ALG13: variants seen among roughly 807,000 people sequenced by gnomAD.
ALG13 encodes the protein UDP-N-acetylglucosamine transferase subunit ALG13.
Under a neutral mutation model 87.8 loss-of-function variants are expected in ALG13, and 11 were observed. The observed-to-expected ratio is 0.13, with a 90% CI of 0.08 to 0.21. ALG13 has a LOEUF of 0.21. ALG13 is among the 10% of genes least tolerant of loss of function. ALG13 has a pLI of 1.00. For synonymous variants in ALG13, 320 were observed against 306.3 expected (o/e 1.04, Z -0.47); for missense variants, 756 against 866.1 (o/e 0.87, Z 1.60).
At chrX:111,753,027 T>C in intron 25 of ALG13, 197 bp downstream of exon 25, 1 of 364,902 alleles carries the variant, frequency 2.7e-6, no homozygotes, top group South Asian at 6.0e-5. Context: ...TCTTATAAAA[T>C]AGTCGTTAAA....
Position 111,726,948 on chromosome X carries a change from C to T in ALG13, c.1869C>T (p.His623=), listed in dbSNP as rs747208594. Residue 623 remains histidine (H), a synonymous_variant, in exon 16 of 27, where the codon CAC becomes CAT. Coordinates refer to ENST00000394780, the MANE Select transcript of ALG13 (RefSeq NM_001099922.3). ...TGCAGCACAGTATGCATTATGGGCACGATCCTCCAATGCACTACTCACAGA... is the reference window on the plus strand; with the variant it reads ...TGCAGCACAGTATGCATTATGGGCATGATCCTCCAATGCACTACTCACAGA... ...PRLQHSMHYG[H]DPPMHYSQTA... 9.1e-6 allele frequency: 11 copies of T among 1,211,463 alleles called. No homozygotes were observed. The highest frequency in any genetic ancestry group is 3.5e-5 in the South Asian group (2 of 56,953).
At chrX:111,684,203 A>G (rs1025643929) in intron 2 of ALG13, among the ~76,000 whole-genome samples, 18 of 112,318 alleles carry the variant, frequency 1.6e-4, no homozygotes, top group African/African-American at 5.5e-4. Flanking sequence ...ATTTTGCCCA[A>G]CCACAGGCTA....
At chrX:111,689,336 T>G in intron 3 of ALG13, 1 of 754,005 alleles carries the variant, frequency 1.3e-6, no homozygotes, top group Non-Finnish European at 1.6e-6. Flanking sequence ...TTTTCTCATT[T>G]GAGAAAATTG....
At chrX:111,692,235 T>C (rs1936269835) in intron 3 of ALG13, among the ~76,000 whole-genome samples, 1 of 112,177 alleles carries the variant, frequency 8.9e-6, no homozygotes, top group Non-Finnish European at 1.9e-5. Flanking sequence ...CACTCACAGC[T>C]TTATTTCCTA....
At chrX:111,689,872 A>G (rs1935827953) in intron 3 of ALG13, 6 of 751,464 alleles carry the variant, frequency 8.0e-6, no homozygotes, top group African/African-American at 4.7e-5. Flanking sequence ...TTGTTTGTTT[A>G]TTTATGGAAG....
At chrX:111,704,627 T>C (rs1419179554) in intron 3 of ALG13, among the ~76,000 whole-genome samples, 1 of 111,576 alleles carries the variant, frequency 9.0e-6, no homozygotes, top group Non-Finnish European at 1.9e-5. Context: ...ATGTTCAGAA[T>C]ATGGAAATCT....
At chrX:111,723,955 G>A (rs1018572316) in intron 14 of ALG13, 57 bp downstream of exon 14, 9 of 776,383 alleles carry the variant, frequency 1.2e-5, no homozygotes, top group East Asian at 7.2e-5. Flanking sequence ...GTTCCATTTC[G>A]TAATATTAAA....
chrX:111,725,423 T>G, intron 15 of ALG13, among the ~76,000 whole-genome samples: 1 of 110,916 alleles, frequency 9.0e-6, no homozygotes, highest in East Asian at 2.8e-4. Flanking sequence ...AAAAAAATGA[T>G]CTTGTGGAGA....
intron 23 of ALG13, among the ~76,000 whole-genome samples, chrX:111,738,568 T>C (rs1943452134): frequency 1.8e-5 from 2 of 111,650 alleles, no homozygotes; most frequent in Non-Finnish European, 3.8e-5. Context: ...AGACGGGGTA[T>C]TGCTCTGTCA....
chrX:111,726,753 T>G, intron 15 of ALG13, 56 bp from the exon 16 acceptor site: 1 of 1,190,964 alleles, frequency 8.4e-7, no homozygotes, highest in South Asian at 1.8e-5. Flanking sequence ...GACAGTACAC[T>G]GGGCCTTTTG....
At chrX:111,696,982 CT>C (rs55888261) in intron 3 of ALG13, among the ~76,000 whole-genome samples, 7,443 of 73,954 alleles carry the variant, frequency 0.1, 434 homozygotes, top group African/African-American at 0.25. Context: ...TGGTTCTTAC[CT>C]TTTTTTTTTT....
At chrX:111,757,794 G>C in intron 26 of ALG13, 32 bp downstream of exon 26, 2 of 1,175,597 alleles carry the variant, frequency 1.7e-6, no homozygotes, top group Non-Finnish European at 2.3e-6. Context: ...CAGCAAGAAA[G>C]ACAGTTGGAT....
intron 3 of ALG13, among the ~76,000 whole-genome samples, chrX:111,703,552 C>T (rs1938261909): frequency 8.9e-6 from 1 of 111,857 alleles, no homozygotes; most frequent in Non-Finnish European, 1.9e-5. Context: ...TAACTACTGG[C>T]AAAAACTAAT....
At chrX:111,724,602 C>T (rs1275380744) in intron 14 of ALG13, among the ~76,000 whole-genome samples, 1 of 112,010 alleles carries the variant, frequency 8.9e-6, no homozygotes, top group East Asian at 2.8e-4. Flanking sequence ...CTTAAAATGT[C>T]TCATACTTTA....
chrX:111,690,435 A>G, intron 3 of ALG13: 1 of 733,755 alleles, frequency 1.4e-6, no homozygotes, highest in South Asian at 7.0e-5. Context: ...GACCTTGGGA[A>G]TTAAGGATTT....
chrX:111,681,239 C>T lies in ALG13; in HGVS notation c.21C>T (p.Thr7=), dbSNP rs1446370125. Residue 7 remains threonine (T), a synonymous_variant, in exon 1 of 27, where the codon ACC becomes ACT. Coordinates refer to ENST00000394780, the MANE Select transcript of ALG13 (RefSeq NM_001099922.3). The part of the protein sequence containing the change: MKCVFV[T]VGTTSFDDLI... ...GCGCCATGAAGTGCGTGTTTGTTAC[C>T]GTAGGGACCACCAGCTTTGACGACC... 1.7e-6 allele frequency: 2 copies of T among 1,210,934 alleles called. No homozygotes were observed. Among genetic ancestry groups the T allele is most frequent in the Admixed American group, 2.2e-5 (1 of 45,993 alleles).
chrX:111,757,959 A>G (rs1422248078), intron 26 of ALG13, among the ~76,000 whole-genome samples, 197 bp downstream of exon 26: 6 of 111,310 alleles, frequency 5.4e-5, no homozygotes, highest in Admixed American at 9.6e-5. Context: ...TAATACTAAG[A>G]GTTTATTTGC....
chrX:111,741,928 G>T (rs1026123060), intron 23 of ALG13, among the ~76,000 whole-genome samples: 1 of 111,360 alleles, frequency 9.0e-6, no homozygotes, highest in East Asian at 2.8e-4. Flanking sequence ...TTACTACTTT[G>T]TGCTAGTTGT....
In ALG13 at chrX:111,749,145, C is replaced by T. The variant is rs188319040; in HGVS notation, c.2933-3645C>T. Among the ~76,000 whole-genome samples the T allele has an allele frequency of 9.9e-5, 11 of 111,412 alleles. No homozygotes were observed. In the East Asian group the frequency reaches 2.0e-3, roughly 20 times the overall value. On this transcript the variant is annotated intron_variant, in intron 24 of 26. Coordinates refer to ENST00000394780, the MANE Select transcript of ALG13 (RefSeq NM_001099922.3). ...GGCCTTATTTGTCTTACTCCAAAGT[C>T]GTTATGATTGTTTCCTATGTTTTCC...
Sources: allele counts gnomAD v4.1 joint callset (sites outside exome capture counted in the v4.1 genomes callset), GRCh38; gene constraint gnomAD v4.1.1; transcripts MANE v1.5; gene names NCBI Gene and HGNC (gene_info 2026-07-23, HGNC 2026-07-21).